LAMA3: variants seen among roughly 807,000 people sequenced by gnomAD.
The protein encoded by LAMA3 is laminin subunit alpha 3.
A neutral mutation model predicts 402.0 loss-of-function variants in LAMA3; 281 were observed. The observed-to-expected ratio is 0.70, with a 90% CI of 0.63 to 0.77. The LOEUF (loss-of-function observed/expected upper bound fraction) is 0.77, where lower values mean the gene tolerates loss of function less well. Among genes scored for constraint, LAMA3 ranks in the 30% least tolerant of loss-of-function variants. The pLI, the probability that LAMA3 is intolerant of heterozygous loss-of-function variation, is 0.00. For missense variants in LAMA3, 3,840 were observed against 4,215.5 expected, an observed-to-expected ratio of 0.91 and a Z score of 2.47; for synonymous variants, 1,431 against 1,558.4, an observed-to-expected ratio of 0.92 and a Z score of 1.93.
At chr18:23,932,106 A>G in intron 65 of LAMA3, 54 bp from the exon 66 acceptor site, 1 of 1,584,994 alleles carries the variant, frequency 6.3e-7, no homozygotes, top group Non-Finnish European at 8.6e-7. Context: ...CCACATGGCA[A>G]GGGCCCTTTT....
At chr18:23,862,434 G>A (rs943909360) in intron 35 of LAMA3, among the ~76,000 whole-genome samples, 11 of 152,174 alleles carry the variant, frequency 7.2e-5, no homozygotes, top group Non-Finnish European at 1.3e-4. Flanking sequence ...TTCTTAGCAA[G>A]GGTGGAACTT....
At chr18:23,714,162 AAC>A (rs1491014604) in intron 2 of LAMA3, 90 bp downstream of exon 2, 18 of 1,318,756 alleles carry the variant, frequency 1.4e-5, no homozygotes, top group Admixed American at 2.0e-5. Flanking sequence ...GTAAAAAAAA[AAC>A]AAACTTCAGT....
intron 1 of LAMA3, among the ~76,000 whole-genome samples, chr18:23,698,676 A>G (rs1288336578): frequency 6.6e-6 from 1 of 152,264 alleles, no homozygotes; most frequent in East Asian, 1.9e-4. Flanking sequence ...ATCAACTAAT[A>G]AGAATGGTGC....
Position 23,916,714 on chromosome 18 carries a change from C to T in LAMA3, c.7923+19C>T, listed in dbSNP as rs200142870. The T allele has an allele frequency of 5.0e-6, 8 of 1,611,726 alleles. No homozygotes were observed. The South Asian group carries it at 7.7e-5, about 15-fold the overall frequency. On this transcript the variant is annotated intron_variant, in intron 60 of 74. Coordinates refer to ENST00000313654, the MANE Select transcript of LAMA3 (RefSeq NM_198129.4). ...AAACGGGGTAATCTATAACAAGCAT[C>T]CAGATACAACCAAATATATTCATTC... is the stretch of plus-strand genomic sequence containing the variant.
chr18:23,817,088 G>T (rs780044588), intron 18 of LAMA3, among the ~76,000 whole-genome samples: 11 of 152,190 alleles, frequency 7.2e-5, no homozygotes, highest in Non-Finnish European at 1.5e-4. Context: ...GGTGGGGGTA[G>T]AGGGTAAGAA....
chr18:23,770,081 C>G (rs544095595), intron 8 of LAMA3, among the ~76,000 whole-genome samples: 1 of 152,066 alleles, frequency 6.6e-6, no homozygotes, highest in Non-Finnish European at 1.5e-5. Flanking sequence ...AACAATAGAG[C>G]TTTAAAATAC....
At chr18:23,815,656 A>G (rs1305844325) in intron 17 of LAMA3, 83 bp downstream of exon 17, 10 of 959,504 alleles carry the variant, frequency 1.0e-5, no homozygotes, top group Non-Finnish European at 1.5e-5. Context: ...TGAGTTTGTC[A>G]TCTTCACGCA....
intron 72 of LAMA3, 76 bp downstream of exon 72, chr18:23,950,235 T>C: frequency 6.4e-7 from 1 of 1,555,372 alleles, no homozygotes; most frequent in Non-Finnish European, 8.8e-7. Flanking sequence ...GCGGGTCAGG[T>C]TTGTAGTAGA....
intron 23 of LAMA3, among the ~76,000 whole-genome samples, chr18:23,831,301 T>C (rs921638329): frequency 1.3e-5 from 2 of 152,172 alleles, no homozygotes; most frequent in African/African-American, 4.8e-5. Context: ...AAAACTGCCC[T>C]TTCTACTTCC....
intron 12 of LAMA3, among the ~76,000 whole-genome samples, chr18:23,807,207 T>C (rs1456280698): frequency 6.6e-6 from 1 of 152,180 alleles, no homozygotes; most frequent in Non-Finnish European, 1.5e-5. Flanking sequence ...GGCTGGGCAT[T>C]GTCTTATGCC....
chr18:23,815,715 C>T (rs918013708), intron 17 of LAMA3, 142 bp downstream of exon 17: 1 of 712,692 alleles, frequency 1.4e-6, no homozygotes, highest in African/African-American at 1.7e-5. Flanking sequence ...GGAATTTGGC[C>T]AAACATTGAT....
intron 56 of LAMA3, 124 bp from the exon 57 acceptor site, chr18:23,914,286 T>C: frequency 2.1e-6 from 2 of 935,018 alleles, no homozygotes; most frequent in Non-Finnish European, 1.7e-6. Flanking sequence ...ACCTTGTTTA[T>C]TCTGTCTCTC....
At chr18:23,733,593 G>A (rs944977864) in intron 2 of LAMA3, among the ~76,000 whole-genome samples, 3 of 152,194 alleles carry the variant, frequency 2.0e-5, no homozygotes, top group African/African-American at 4.8e-5. Flanking sequence ...TGAGATCTGG[G>A]TGGTGACATA....
At chr18:23,872,828 C>T in intron 38 of LAMA3, 1 of 579,648 alleles carries the variant, frequency 1.7e-6, no homozygotes, top group Non-Finnish European at 3.1e-6. Flanking sequence ...GATGCCCGCC[C>T]CACCTCACAG....
chr18:23,887,677 G>A (rs778009772), intron 41 of LAMA3, among the ~76,000 whole-genome samples: 1 of 152,172 alleles, frequency 6.6e-6, no homozygotes, highest in Non-Finnish European at 1.5e-5. Context: ...GACAGTCAAG[G>A]GTGAAAAGCA....
rs1408569649 is a variant in LAMA3 at position 23,815,521 on chromosome 18, C to T, written c.1995C>T (p.Thr665=). ...KSHVGGDSCD[T]CEDGYFALEK... ...ATGTGGGTGGCGATTCCTGCGACAC[C>T]TGTGAAGATGGATATTTTGCTTTGG... The change falls in exon 17 of 75, where the codon ACC becomes ACT. Residue 665 remains threonine (T), a synonymous_variant. Transcript: ENST00000313654. 4 of 1,614,052 alleles carry T rather than the reference C, an allele frequency of 2.5e-6. No homozygotes were observed. The highest frequency in any genetic ancestry group is 2.7e-5 in the African/African-American group (2 of 74,926).
At chr18:23,715,363 C>T (rs1294860150) in intron 2 of LAMA3, among the ~76,000 whole-genome samples, 1 of 151,612 alleles carries the variant, frequency 6.6e-6, no homozygotes, top group Non-Finnish European at 1.5e-5. Flanking sequence ...TGTCAAATGC[C>T]ATTGATAAGC....
chr18:23,806,601 C>A (rs2062967048), intron 12 of LAMA3, among the ~76,000 whole-genome samples: 1 of 152,180 alleles, frequency 6.6e-6, no homozygotes, highest in Non-Finnish European at 1.5e-5. Context: ...TTTAGGGGTT[C>A]AGTGTCCCCA....
intron 59 of LAMA3, among the ~76,000 whole-genome samples, chr18:23,916,005 C>CAAAAAAAAAAAAA (rs1408575781): frequency 4.8e-5 from 2 of 41,952 alleles, no homozygotes; most frequent in Non-Finnish European, 3.6e-5. Context: ...GACTCCATCT[C>CAAAAAAAAAAAAA]CAAAAAAAAA....
Sources: allele counts gnomAD v4.1 joint callset (sites outside exome capture counted in the v4.1 genomes callset), GRCh38; gene constraint gnomAD v4.1.1; transcripts MANE v1.5; gene names NCBI Gene and HGNC (gene_info 2026-07-23, HGNC 2026-07-21).